The following VCL variants were observed in gnomAD, a reference collection of about 807,000 sequenced individuals.
The protein encoded by VCL is epididymis luminal protein 114.
A neutral mutation model predicts 125.7 loss-of-function variants in VCL; 47 were observed. The observed-to-expected ratio is 0.37, with a 90% confidence interval of 0.30 to 0.48. The LOEUF (loss-of-function observed/expected upper bound fraction) is 0.48. VCL is among the 20% of genes least tolerant of loss of function. The pLI is 0.99. For missense variants in VCL, 1,069 were observed against 1,455.5 expected (o/e 0.73, Z 4.32); for synonymous variants, 458 against 514.6 (o/e 0.89, Z 1.49).
intron 1 of VCL, among the ~76,000 whole-genome samples, chr10:74,009,481 G>T (rs1036453832): frequency 6.6e-6 from 1 of 151,348 alleles, no homozygotes; most frequent in Admixed American, 6.6e-5. Flanking sequence ...GGATGGTCTC[G>T]ATCTGCTGAC....
At position 74,087,376 on chromosome 10, in the gene VCL, C is replaced by T. The variant is rs564883047; in HGVS notation, c.1023-1820C>T. On this transcript the variant is annotated intron_variant, in intron 8 of 21. Coordinates refer to ENST00000211998, the MANE Select transcript of VCL (RefSeq NM_014000.3). ...TTTTTCTTTTTTTGAGACGGAGTCT[C>T]GCTCTGTCGCCCAGGCTGGAGTGCA... is the stretch of plus-strand genomic sequence containing the variant. 2.9e-3 allele frequency among the ~76,000 whole-genome samples: 378 copies of T among 128,438 alleles called. 4 individuals carry two copies. In the Middle Eastern group the frequency reaches 0.031, roughly 10 times the overall value. The allele number at this position is 128,438 out of a possible 152,430, so 84.3% of individuals were successfully genotyped here. A position where few individuals can be genotyped will look rare whatever the true frequency, so the allele number is the denominator to read the frequency against.
intron 1 of VCL, among the ~76,000 whole-genome samples, chr10:74,018,611 G>C (rs1194198929): frequency 2.0e-5 from 3 of 152,112 alleles, no homozygotes; most frequent in Admixed American, 2.0e-4. Context: ...TTAGGGAATG[G>C]GGAAGCTTTA....
chr10:74,098,292 A>G (rs750692172), intron 13 of VCL, among the ~76,000 whole-genome samples: 5 of 152,166 alleles, frequency 3.3e-5, no homozygotes, highest in Non-Finnish European at 7.3e-5. Flanking sequence ...CACTAAGATA[A>G]CACCACCACC....
chr10:74,053,707 T>C (rs1370534535), intron 2 of VCL, among the ~76,000 whole-genome samples: 2 of 151,962 alleles, frequency 1.3e-5, no homozygotes, highest in African/African-American at 4.8e-5. Flanking sequence ...CCCTCCCGGG[T>C]TCAAGCGATT....
At chr10:74,115,256 T>C (rs1256744494) in intron 21 of VCL, among the ~76,000 whole-genome samples, 1 of 151,830 alleles carries the variant, frequency 6.6e-6, no homozygotes, top group Non-Finnish European at 1.5e-5. Context: ...ACACCAGGAA[T>C]TGGGAGCCAG....
intron 1 of VCL, among the ~76,000 whole-genome samples, chr10:74,015,092 T>C (rs1840512859): frequency 6.6e-6 from 1 of 152,216 alleles, no homozygotes; most frequent in African/African-American, 2.4e-5. Flanking sequence ...CTACCAAATA[T>C]AGGAGTAATA....
intron 1 of VCL, among the ~76,000 whole-genome samples, chr10:74,037,705 T>G (rs1182078688): frequency 6.6e-6 from 1 of 152,234 alleles, no homozygotes; most frequent in Non-Finnish European, 1.5e-5. Context: ...TCTCTTTGTT[T>G]GGGCTGTCTG....
chr10:74,016,209 T>C (rs1267078903), intron 1 of VCL, among the ~76,000 whole-genome samples: 1 of 152,220 alleles, frequency 6.6e-6, no homozygotes, highest in African/African-American at 2.4e-5. Flanking sequence ...AGTCTCTTGT[T>C]CTTTTATTAT....
In VCL at chr10:74,107,312, G is replaced by A. The variant is rs769004916; in HGVS notation, c.2517G>A (p.Glu839=). 6 of 1,614,176 alleles carry A rather than the reference G, an allele frequency of 3.7e-6. No individual in the cohort carries two copies. The East Asian group carries it at 1.3e-4, about 36-fold the overall frequency. ...TCAGAGAAGCCTTCCAACCTCAGGA[G>A]CCTGACTTCCCGCCGCCTCCACCAG... is the stretch of plus-strand genomic sequence containing the variant. ...AKVREAFQPQ[E]PDFPPPPPDL... The change falls in exon 17 of 22, where the codon GAG becomes GAA. Residue 839 remains glutamate (E), a synonymous_variant. Coordinates refer to ENST00000211998, the MANE Select transcript of VCL (RefSeq NM_014000.3).
At chr10:74,007,327 C>T (rs1054425910) in intron 1 of VCL, among the ~76,000 whole-genome samples, 20 of 152,116 alleles carry the variant, frequency 1.3e-4, no homozygotes, top group African/African-American at 4.6e-4. Context: ...TCTTTCACTG[C>T]ACCCTTTGAA....
rs751634052 is a variant in VCL at position 74,094,367 on chromosome 10, C to G, written c.1449C>G (p.Asn483Lys). The G allele has an allele frequency of 2.5e-6, 4 of 1,614,072 alleles. No homozygotes were observed. Among genetic ancestry groups the G allele is most frequent in the Middle Eastern group, 1.6e-4 (1 of 6,084 alleles). ...CCAAAACCAACCGGGCTGTGGCCAA[C>G]AGCAGACCGGCCAAAGCAGCTGTAC... ...LQTKTNRAVA[N>K]SRPAKAAVHL... Residue 483 changes from asparagine (N) to lysine (K), a missense_variant, in exon 11 of 22, where the codon AAC (asparagine) becomes AAG (lysine). Asn to Lys is a moderately conservative substitution (Grantham distance 94, BLOSUM62 0). Transcript: ENST00000211998.
chr10:74,011,004 T>A (rs1311543435), intron 1 of VCL, among the ~76,000 whole-genome samples: 1 of 151,376 alleles, frequency 6.6e-6, no homozygotes, highest in African/African-American at 2.4e-5. Flanking sequence ...ACCCCATCTC[T>A]ACTAAAAATT....
chr10:74,026,927 T>G (rs1013066793), intron 1 of VCL, among the ~76,000 whole-genome samples: 3 of 152,214 alleles, frequency 2.0e-5, no homozygotes, highest in Non-Finnish European at 2.9e-5. Flanking sequence ...AAGTTGGTTG[T>G]TTGGAGTTAC....
chr10:74,002,315 G>T (rs1003199635), intron 1 of VCL, among the ~76,000 whole-genome samples: 1 of 151,848 alleles, frequency 6.6e-6, no homozygotes, highest in Non-Finnish European at 1.5e-5. Flanking sequence ...AGTAGAGACG[G>T]GGTTTCTCCA....
In VCL at chr10:74,105,268, G is replaced by A. The variant is rs558040780; in HGVS notation, c.2349G>A (p.Val783=). The change falls in exon 16 of 22, where the codon GTG becomes GTA. Residue 783 remains valine (V), a synonymous_variant. Coordinates refer to ENST00000211998, the MANE Select transcript of VCL (RefSeq NM_014000.3). ...AGGATCCCAAGTTCCGTGAGGCTGT[G>A]AAAGCTGCCTCTGATGAATTGAGCA... is the stretch of plus-strand genomic sequence containing the variant. ...NSEDPKFREA[V]KAASDELSKT... is the part of the protein sequence containing the mutation. The A allele has an allele frequency of 5.2e-5, 84 of 1,613,876 alleles. No individual in the cohort carries two copies. The highest frequency in any genetic ancestry group is 6.9e-5 in the Non-Finnish European group (81 of 1,180,054).
chr10:74,088,581 G>T (rs1839824343), intron 8 of VCL, among the ~76,000 whole-genome samples: 2 of 152,122 alleles, frequency 1.3e-5, no homozygotes. Flanking sequence ...CACTCCATAA[G>T]ATAAGTGGGG....
rs574067525 is a variant in VCL, at chr10:74,081,167, G to A, written c.784-1287G>A. ...AGTTCACTTCTTTTTCATTGCTATAGCTGAGAATTTGCTATTTAGAGCCTT... is the reference window on the plus strand; with the variant it reads ...AGTTCACTTCTTTTTCATTGCTATAACTGAGAATTTGCTATTTAGAGCCTT... On this transcript the variant is annotated intron_variant, in intron 6 of 21. Transcript: ENST00000211998. Among the ~76,000 whole-genome samples the A allele has an allele frequency of 2.0e-5, 3 of 152,048 alleles. No individual in the cohort carries two copies. The South Asian group carries it at 6.3e-4, about 32-fold the overall frequency.
At chr10:74,016,330 G>T (rs566779144) in intron 1 of VCL, among the ~76,000 whole-genome samples, 1 of 152,270 alleles carries the variant, frequency 6.6e-6, no homozygotes, top group Non-Finnish European at 1.5e-5. Context: ...TCTGGTGAAG[G>T]CTGGGTAAGG....
chr10:74,000,150 C>T (rs1265299704), intron 1 of VCL, among the ~76,000 whole-genome samples: 1 of 146,416 alleles, frequency 6.8e-6, no homozygotes, highest in Non-Finnish European at 1.5e-5. Context: ...ATGGAAAACA[C>T]TGCAATAAAT....
Sources: gnomAD v4.1 joint callset for allele counts (sites outside exome capture counted in the v4.1 genomes callset) on GRCh38, gnomAD v4.1.1 for gene constraint, MANE v1.5 for transcripts, NCBI Gene and HGNC (gene_info 2026-07-23, HGNC 2026-07-21) for gene names.